MYDGF: variants seen among roughly 807,000 people sequenced by gnomAD.
MYDGF encodes myeloid-derived growth factor.
A neutral mutation model predicts 24.2 loss-of-function variants in MYDGF; 29 were observed. That is an observed-to-expected ratio of 1.20 (90% CI 0.89 to 1.63). The LOEUF is 1.63. Among genes scored for constraint, MYDGF ranks in the 40% most tolerant of loss-of-function variants. The pLI is 0.00. For synonymous variants in MYDGF, 105 were observed against 102.5 expected, an observed-to-expected ratio of 1.02 and a Z score of -0.15; for missense variants, 245 against 234.8, an observed-to-expected ratio of 1.04 and a Z score of -0.29.
intron 3 of MYDGF, among the ~76,000 whole-genome samples, chr19:4,662,993 A>C (rs1412222106): frequency 3.4e-5 from 5 of 145,226 alleles, no homozygotes; most frequent in Admixed American, 6.9e-5. Flanking sequence ...CCCTGTCCTC[A>C]TTTTACACAG....
chr19:4,659,818 C>G (rs1398027275), intron 5 of MYDGF, 113 bp downstream of exon 5: 1 of 887,594 alleles, frequency 1.1e-6, no homozygotes, highest in East Asian at 2.4e-5. Flanking sequence ...TTGTGGATGC[C>G]TGGTCTACAG....
intron 4 of MYDGF, among the ~76,000 whole-genome samples, chr19:4,660,308 G>A (rs1285332442): frequency 1.3e-5 from 2 of 151,792 alleles, no homozygotes; most frequent in East Asian, 3.9e-4. Flanking sequence ...TTTTACTTTT[G>A]GTAGATATAG....
At chr19:4,660,418 G>A (rs373299519) in intron 4 of MYDGF, among the ~76,000 whole-genome samples, 4 of 152,094 alleles carry the variant, frequency 2.6e-5, no homozygotes, top group Non-Finnish European at 5.9e-5. Flanking sequence ...GTGAACCGCC[G>A]CGCCTGGCCT....
Position 4,659,973 on chromosome 19 carries a change from C to A in MYDGF, c.400G>T (p.Val134Phe). The change falls in exon 5 of 6, where the codon GTC becomes TTC. Residue 134 changes from valine to phenylalanine, a missense_variant. Physicochemically the swap from Val to Phe is conservative, Grantham distance 50. Coordinates refer to ENST00000262947, the MANE Select transcript of MYDGF (RefSeq NM_019107.4). ...SKAAFERESD[V>F]PLKTEEFEVT... ...TCAAATTCCTCAGTTTTCAGAGGGA[C>A]ATCACTTTCCCTTTCAAATGCGGCT... 1 of 1,614,090 alleles carries A rather than the reference C, an allele frequency of 6.2e-7. No homozygotes were observed. The highest frequency in any genetic ancestry group is 8.5e-7 in the Non-Finnish European group (1 of 1,180,014).
chr19:4,661,385 G>T (rs989526943), intron 3 of MYDGF, among the ~76,000 whole-genome samples: 1 of 152,174 alleles, frequency 6.6e-6, no homozygotes, highest in Non-Finnish European at 1.5e-5. Context: ...CTTGGTTGCT[G>T]ACAGCAATCC....
At chr19:4,664,990 G>A in intron 2 of MYDGF, 53 bp from the exon 3 acceptor site, 1 of 1,582,946 alleles carries the variant, frequency 6.3e-7, no homozygotes, top group Admixed American at 1.7e-5. Context: ...TGCTCTCGGA[G>A]ACTTCTAGGT....
intron 4 of MYDGF, 140 bp downstream of exon 4, chr19:4,660,529 A>T: frequency 4.0e-6 from 3 of 752,498 alleles, no homozygotes; most frequent in Middle Eastern, 2.6e-4. Flanking sequence ...GGTTCCTGCA[A>T]GTTACACACC....
chr19:4,670,098 T>G, intron 1 of MYDGF, 63 bp downstream of exon 1: 1 of 1,139,830 alleles, frequency 8.8e-7, no homozygotes, highest in Non-Finnish European at 1.2e-6. Flanking sequence ...CCGCCCCCAA[T>G]GCTCCGCGCC....
chr19:4,663,240 TCCCCAC>T, intron 3 of MYDGF, among the ~76,000 whole-genome samples: 1 of 34,734 alleles, frequency 2.9e-5, no homozygotes, highest in South Asian at 9.8e-4. Context: ...CAATCTACCC[TCCCCAC>T]CCACCCCATC....
intron 3 of MYDGF, among the ~76,000 whole-genome samples, chr19:4,663,976 G>A (rs2088501288): frequency 1.3e-5 from 2 of 151,582 alleles, no homozygotes; most frequent in South Asian, 4.2e-4. Context: ...GGAGCCCTCT[G>A]GAATAGGACT....
rs575193149 is a variant in MYDGF, at chr19:4,662,083, G to A, written c.288-1333C>T. Among the ~76,000 whole-genome samples, 22 of 152,256 alleles carry A rather than the reference G, an allele frequency of 1.4e-4. 1 individual carries two copies. In the South Asian group the frequency reaches 4.1e-3, roughly 29 times the overall value. On this transcript the variant is annotated intron_variant, in intron 3 of 5. Coordinates refer to ENST00000262947, the MANE Select transcript of MYDGF (RefSeq NM_019107.4). ...CCTCCTGATGCCTCCTGGGGCCTTG[G>A]CCTGCCTGTGATGCAGCCAGTTCCA...
At chr19:4,661,179 C>T (rs897163375) in intron 3 of MYDGF, among the ~76,000 whole-genome samples, 1 of 152,222 alleles carries the variant, frequency 6.6e-6, no homozygotes, top group South Asian at 2.1e-4. Flanking sequence ...GTTGGCCAGC[C>T]TGGCCTGAAC....
intron 3 of MYDGF, among the ~76,000 whole-genome samples, chr19:4,663,547 T>C (rs57112179): frequency 0.48 from 1,917 of 3,970 alleles, 552 homozygotes; most frequent in Non-Finnish European, 0.55. Flanking sequence ...CTCCAATCTA[T>C]CCTCCCCACC....
intron 3 of MYDGF, among the ~76,000 whole-genome samples, chr19:4,663,229 C>T (rs1238033376): frequency 3.2e-4 from 43 of 134,924 alleles, no homozygotes; most frequent in East Asian, 7.6e-4. Flanking sequence ...TACACAGCCT[C>T]CAATCTACCC....
intron 3 of MYDGF, among the ~76,000 whole-genome samples, chr19:4,662,076 G>A (rs1438327306): frequency 6.6e-6 from 1 of 152,142 alleles, no homozygotes; most frequent in African/African-American, 2.4e-5. Flanking sequence ...TGCCTCCTGG[G>A]GCCTTGGCCT....
At chr19:4,659,652 G>A (rs758325) in intron 5 of MYDGF, 75,982 of 500,648 alleles carry the variant, frequency 0.15, 9,822 homozygotes, top group African/African-American at 0.5. Context: ...ATGAGCCACC[G>A]CGCCCAGCTA....
chr19:4,670,255 C>G lies in MYDGF; in HGVS notation c.80G>C (p.Arg27Thr). The change falls in exon 1 of 6, where the codon AGG (arginine) becomes ACG (threonine). Residue 27 changes from arginine to threonine, a missense_variant. Physicochemically the swap from Arg to Thr is moderately conservative, Grantham distance 71. Coordinates refer to ENST00000262947, the MANE Select transcript of MYDGF (RefSeq NM_019107.4). ...AALLLGAVAL[R>T]PAEAVSEPTT... is the part of the protein sequence containing the mutation. ...GGGCTCGGACACCGCCTCCGCCGGC[C>G]TCAGCGCCACGGCCCCTAGGAGCAG... 1 of 1,563,760 alleles carries G rather than the reference C, an allele frequency of 6.4e-7. No homozygotes were observed. The highest frequency in any genetic ancestry group is 2.5e-5 in the East Asian group (1 of 39,564).
At position 4,659,931 on chromosome 19, in the gene MYDGF, C is replaced by T; in HGVS notation, c.442G>A (p.Val148Met). 1.2e-6 allele frequency: 2 copies of T among 1,613,924 alleles called. No homozygotes were observed. Among genetic ancestry groups the T allele is most frequent in the Non-Finnish European group, 1.7e-6 (2 of 1,179,842 alleles). Reference sequence around the variant, plus strand: ...CTACCCCATCCCCATCTTTCCGTACCTGCTGTTTTGGTCACTTCAAATTCC... The same window carrying T: ...CTACCCCATCCCCATCTTTCCGTACTTGCTGTTTTGGTCACTTCAAATTCC... ...TEEFEVTKTA[V>M]AHRPGAFKAE... is the part of the protein sequence containing the mutation. Residue 148 changes from valine to methionine, a missense_variant and splice_region_variant, in exon 5 of 6, where the codon GTG becomes ATG. Transcript: ENST00000262947.
intron 3 of MYDGF, among the ~76,000 whole-genome samples, chr19:4,663,675 C>T (rs2088496852): frequency 1.2e-5 from 1 of 85,502 alleles, no homozygotes; most frequent in Non-Finnish European, 2.3e-5. Context: ...TCCAGTATAC[C>T]CTCCCCACCC....
Sources: gnomAD v4.1 joint callset for allele counts (sites outside exome capture counted in the v4.1 genomes callset) on GRCh38, gnomAD v4.1.1 for gene constraint, MANE v1.5 for transcripts, NCBI Gene and HGNC (gene_info 2026-07-23, HGNC 2026-07-21) for gene names.